Variants in PAH observed in about 807,000 individuals in gnomAD.
The protein encoded by PAH is phenylalanine-4-hydroxylase.
In PAH, 64 loss-of-function variants were observed where a neutral mutation model predicts 62.0. The ratio of observed to expected loss-of-function variants is 1.03; its 90% CI spans 0.84 to 1.27. The LOEUF (loss-of-function observed/expected upper bound fraction) is 1.27, where lower values mean the gene tolerates loss of function less well. Among genes scored for constraint, PAH ranks in the 50% most tolerant of loss-of-function variants. PAH has a pLI of 0.00. For missense variants in PAH, 579 were observed against 542.8 expected (o/e 1.07, Z -0.66); for synonymous variants, 195 against 196.2 (o/e 0.99, Z 0.05).
chr12:102,942,135 C>T (rs190469591), intron 1 of PAH, among the ~76,000 whole-genome samples: 27 of 152,180 alleles, frequency 1.8e-4, no homozygotes, highest in African/African-American at 6.0e-4. Context: ...AACTATCTCT[C>T]TTCATAGATG....
At chr12:102,942,482 T>A (rs1343036487) in intron 1 of PAH, among the ~76,000 whole-genome samples, 1 of 152,050 alleles carries the variant, frequency 6.6e-6, no homozygotes, top group Non-Finnish European at 1.5e-5. Flanking sequence ...ATTGGTAAAA[T>A]GGCCATACTA....
intron 8 of PAH, chr12:102,847,352 C>T (rs1445223214): frequency 3.8e-6 from 1 of 262,442 alleles, no homozygotes; most frequent in African/African-American, 2.2e-5. Context: ...AGGAGAACTG[C>T]AGATAAGTGG....
intron 1 of PAH, among the ~76,000 whole-genome samples, chr12:102,948,597 C>G (rs1032272295): frequency 6.6e-6 from 1 of 152,188 alleles, no homozygotes; most frequent in Non-Finnish European, 1.5e-5. Context: ...TCTCCTCCCC[C>G]TCAAGTCACT....
At chr12:102,908,112 A>T (rs1448617990) in intron 2 of PAH, among the ~76,000 whole-genome samples, 1 of 152,048 alleles carries the variant, frequency 6.6e-6, no homozygotes, top group East Asian at 1.9e-4. Context: ...GGGTGTAATA[A>T]CATCACTTAC....
At chr12:102,866,703 G>C (rs751393308) in intron 4 of PAH, 40 bp from the exon 5 acceptor site, 9 of 1,508,240 alleles carry the variant, frequency 6.0e-6, no homozygotes, top group Non-Finnish European at 8.3e-6. Flanking sequence ...AGGCTTCATA[G>C]GAAGAGGTCT....
chr12:102,848,658 C>T (rs1874997223), intron 8 of PAH, among the ~76,000 whole-genome samples: 4 of 150,488 alleles, frequency 2.7e-5, no homozygotes, highest in Admixed American at 6.6e-5. Flanking sequence ...AAACAGGACA[C>T]CAGGAGAATG....
chr12:102,958,393 C>CGCAGAA, upstream of PAH: 2 of 1,506,784 alleles, frequency 1.3e-6, no homozygotes, highest in Non-Finnish European at 1.8e-6. Context: ...GCGCAGAGCG[C>CGCAGAA]GCAGCAGCAG....
At chr12:102,868,821 A>T (rs1214588935) in intron 4 of PAH, among the ~76,000 whole-genome samples, 1 of 152,218 alleles carries the variant, frequency 6.6e-6, no homozygotes, top group African/African-American at 2.4e-5. Context: ...GTCAGTCATT[A>T]AGGTTTGATT....
intron 2 of PAH, among the ~76,000 whole-genome samples, chr12:102,911,261 G>C (rs1017406057): frequency 6.6e-6 from 1 of 152,118 alleles, no homozygotes; most frequent in African/African-American, 2.4e-5. Flanking sequence ...AAAGGATAAA[G>C]TTATATATTT....
At chr12:102,941,970 A>T (rs1053833373) in intron 1 of PAH, among the ~76,000 whole-genome samples, 10 of 152,302 alleles carry the variant, frequency 6.6e-5, no homozygotes, top group African/African-American at 2.2e-4. Flanking sequence ...CACAGCCAAC[A>T]TTATACTGAA....
At chr12:102,919,871 A>G (rs970294120), upstream of PAH, among the ~76,000 whole-genome samples, 2 of 152,200 alleles carry the variant, frequency 1.3e-5, no homozygotes, top group African/African-American at 4.8e-5. Flanking sequence ...GGTTGCTTCC[A>G]GATCTTGGCT....
At chr12:102,865,748 CTCTT>C (rs1875926804) in intron 5 of PAH, among the ~76,000 whole-genome samples, 2 of 152,206 alleles carry the variant, frequency 1.3e-5, no homozygotes, top group Non-Finnish European at 2.9e-5. Flanking sequence ...AGCTTTCTCT[CTCTT>C]TTTCCGGAGG....
At chr12:102,858,107 C>A (rs1875527016) in intron 5 of PAH, among the ~76,000 whole-genome samples, 1 of 151,990 alleles carries the variant, frequency 6.6e-6, no homozygotes, top group Admixed American at 6.6e-5. Flanking sequence ...CACACATAGG[C>A]CCAAAATAAA....
At position 102,944,672 on chromosome 12, in the gene PAH, T is replaced by C. The variant is rs1024988189; in HGVS notation, c.-96+5917A>G. On this transcript the variant is annotated intron_variant, in intron 1 of 3. Coordinates refer to the PAH transcript ENST00000546844. ...TCCTTCTCTATGTTATCTTGAATTA[T>C]GTTGATTTTCCTCAAAGCAGGTATT... is the stretch of plus-strand genomic sequence containing the variant. 3.9e-5 allele frequency among the ~76,000 whole-genome samples: 6 copies of C among 152,364 alleles called. No individual in the cohort carries two copies. The South Asian group carries it at 1.0e-3, about 26-fold the overall frequency.
chr12:102,895,000 C>T, intron 2 of PAH, 82 bp from the exon 3 acceptor site: 1 of 1,015,590 alleles, frequency 9.8e-7, no homozygotes, highest in East Asian at 2.4e-5. Flanking sequence ...ACAGGAAAAC[C>T]TAACGCAACA....
intron 5 of PAH, among the ~76,000 whole-genome samples, chr12:102,862,986 C>A (rs527814085): frequency 6.6e-5 from 10 of 151,940 alleles, no homozygotes; most frequent in Admixed American, 1.3e-4. Context: ...CAAGAACGCG[C>A]CATTATCGAG....
intron 1 of PAH, chr12:102,950,279 G>C (rs552696359): frequency 6.6e-6 from 1 of 152,344 alleles, no homozygotes; most frequent in Non-Finnish European, 1.5e-5. Context: ...CAAATACTTG[G>C]CCTAGGGAAG....
At chr12:102,888,416 A>T (rs1877127749) in intron 3 of PAH, among the ~76,000 whole-genome samples, 1 of 151,818 alleles carries the variant, frequency 6.6e-6, no homozygotes, top group African/African-American at 2.4e-5. Flanking sequence ...CTTAAATGAG[A>T]TAACCTAATG....
chr12:102,903,212 T>C (rs1877831897), intron 2 of PAH, among the ~76,000 whole-genome samples: 1 of 151,812 alleles, frequency 6.6e-6, no homozygotes. Context: ...AATACAAAAA[T>C]TAGCCAGGCA....
Sources: gnomAD v4.1 joint callset for allele counts (sites outside exome capture counted in the v4.1 genomes callset) on GRCh38, gnomAD v4.1.1 for gene constraint, MANE v1.5 for transcripts, NCBI Gene and HGNC (gene_info 2026-07-23, HGNC 2026-07-21) for gene names.